TRIO: variants seen among roughly 807,000 people sequenced by gnomAD.
TRIO encodes the protein triple functional domain protein.
In TRIO, 58 loss-of-function variants were observed where a neutral mutation model predicts 351.9. The observed-to-expected ratio is 0.16, with a 90% CI of 0.13 to 0.21. The LOEUF (loss-of-function observed/expected upper bound fraction) is 0.21. Among genes scored for constraint, TRIO ranks in the 10% least tolerant of loss-of-function variants. TRIO has a pLI of 1.00. For synonymous variants in TRIO, 1,758 were observed against 1,595.7 expected (o/e 1.10, Z -2.42); for missense variants, 3,201 against 4,027.8 (o/e 0.79, Z 5.56).
intron 45 of TRIO, 153 bp downstream of exon 45, chr5:14,481,771 C>CTTTTT (rs34046917): frequency 7.4e-5 from 14 of 189,280 alleles, no homozygotes; most frequent in Non-Finnish European, 1.0e-4. Context: ...ATTTTATTTC[C>CTTTTT]TTTTTTTTTT....
At chr5:14,421,849 T>G (rs1396899437) in intron 34 of TRIO, among the ~76,000 whole-genome samples, 1 of 152,052 alleles carries the variant, frequency 6.6e-6, no homozygotes, top group African/African-American at 2.4e-5. Flanking sequence ...GGATGAGGAT[T>G]TAGACGTGGA....
Position 14,364,687 on chromosome 5 carries a change from A to G in TRIO, c.2625A>G (p.Ala875=), listed in dbSNP as rs770410434. The G allele has an allele frequency of 6.2e-7, 1 of 1,614,000 alleles. No individual in the cohort carries two copies. The highest frequency in any genetic ancestry group is 1.7e-5 in the Admixed American group (1 of 60,020). ...TGTGTGATAGAGATGTAGACATGGCAACTCGGGTCCAGGACCTGCTGGAGT... is the reference window on the plus strand; with the variant it reads ...TGTGTGATAGAGATGTAGACATGGCGACTCGGGTCCAGGACCTGCTGGAGT... The part of the protein sequence containing the change: ...ELLCDRDVDM[A]TRVQDLLEFL... Residue 875 remains alanine (A), a synonymous_variant, in exon 15 of 57, where the codon GCA becomes GCG. Transcript: ENST00000344204.
At chr5:14,343,645 A>G (rs1742147888) in intron 11 of TRIO, among the ~76,000 whole-genome samples, 2 of 152,110 alleles carry the variant, frequency 1.3e-5, no homozygotes, top group Admixed American at 1.3e-4. Context: ...ATCACAGTTT[A>G]TTTAACTATT....
intron 1 of TRIO, among the ~76,000 whole-genome samples, chr5:14,164,107 G>A (rs1788630575): frequency 6.6e-6 from 1 of 152,212 alleles, no homozygotes; most frequent in South Asian, 2.1e-4. Flanking sequence ...GGTCAGTTGT[G>A]AGCCTGACCC....
intron 33 of TRIO, among the ~76,000 whole-genome samples, chr5:14,413,233 G>A (rs923456842): frequency 6.6e-6 from 1 of 152,200 alleles, no homozygotes; most frequent in Non-Finnish European, 1.5e-5. Flanking sequence ...TTACTTCAGT[G>A]CCTGGCCTGA....
At chr5:14,413,510 A>C (rs986738371) in intron 33 of TRIO, among the ~76,000 whole-genome samples, 1 of 152,222 alleles carries the variant, frequency 6.6e-6, no homozygotes, top group Non-Finnish European at 1.5e-5. Flanking sequence ...GCGAGCTCTG[A>C]GTGATGGGTT....
chr5:14,410,227 A>C (rs767816294), intron 33 of TRIO, among the ~76,000 whole-genome samples: 1 of 152,206 alleles, frequency 6.6e-6, no homozygotes, highest in East Asian at 1.9e-4. Context: ...GGACGTACCC[A>C]TGCGGCCTTA....
chr5:14,276,476 C>T (rs1482255470), intron 2 of TRIO, among the ~76,000 whole-genome samples: 4 of 152,258 alleles, frequency 2.6e-5, no homozygotes, highest in Non-Finnish European at 5.9e-5. Context: ...GTCCTTTTAA[C>T]AGAGTTGTAT....
chr5:14,343,546 A>C (rs1742138545), intron 11 of TRIO, among the ~76,000 whole-genome samples: 1 of 152,206 alleles, frequency 6.6e-6, no homozygotes, highest in Admixed American at 6.5e-5. Context: ...TTAACTCAGC[A>C]CAATTCCTTT....
At chr5:14,368,313 G>A (rs1191966075) in intron 16 of TRIO, among the ~76,000 whole-genome samples, 1 of 152,114 alleles carries the variant, frequency 6.6e-6, no homozygotes, top group East Asian at 1.9e-4. Context: ...ATTCACTCTG[G>A]CCACCTTTTC....
At chr5:14,467,013 C>T (rs976030984) in intron 37 of TRIO, among the ~76,000 whole-genome samples, 1 of 152,164 alleles carries the variant, frequency 6.6e-6, no homozygotes, top group Non-Finnish European at 1.5e-5. Flanking sequence ...GGTTGTTATG[C>T]ACTATTGTTA....
intron 33 of TRIO, among the ~76,000 whole-genome samples, chr5:14,414,722 A>G (rs577558800): frequency 6.0e-5 from 9 of 151,152 alleles, no homozygotes; most frequent in African/African-American, 1.7e-4. Context: ...GCCTATCACA[A>G]TAGTCCTCCT....
At chr5:14,403,016 G>T (rs1748224612) in intron 31 of TRIO, among the ~76,000 whole-genome samples, 1 of 151,736 alleles carries the variant, frequency 6.6e-6, no homozygotes, top group Non-Finnish European at 1.5e-5. Flanking sequence ...TTGTGGTGAG[G>T]GTACAGGTTG....
chr5:14,424,335 C>T (rs1750456831), intron 34 of TRIO, among the ~76,000 whole-genome samples: 1 of 152,142 alleles, frequency 6.6e-6, no homozygotes. Flanking sequence ...TAGAAGAAAA[C>T]ACCCACTTAT....
At position 14,465,589 on chromosome 5, in the gene TRIO, G is replaced by A. The variant is rs374550843; in HGVS notation, c.5712G>A (p.Pro1904=). The A allele has an allele frequency of 3.9e-5, 63 of 1,613,780 alleles. No individual in the cohort carries two copies. The highest frequency in any genetic ancestry group is 6.7e-5 in the East Asian group (3 of 44,868). The change falls in exon 37 of 57, where the codon CCG becomes CCA. Residue 1904 remains proline (P), a synonymous_variant. Transcript: ENST00000344204. ...TCCGCCCCACCAGCTCCGAAACACC[G>A]AGTGCAGCCGAGCTCGTCAGTGCAA... is the stretch of plus-strand genomic sequence containing the variant. ...LLVRPTSSET[P]SAAELVSAIE...
intron 10 of TRIO, among the ~76,000 whole-genome samples, chr5:14,335,041 G>A (rs764991004): frequency 1.3e-5 from 2 of 152,080 alleles, no homozygotes; most frequent in Non-Finnish European, 2.9e-5. Context: ...GTGTGTGTGT[G>A]TACACATGCG....
intron 48 of TRIO, among the ~76,000 whole-genome samples, chr5:14,489,579 C>T (rs1756321681): frequency 6.6e-6 from 1 of 152,184 alleles, no homozygotes; most frequent in South Asian, 2.1e-4. Flanking sequence ...GCTGAATCTG[C>T]CAGTTAGCAT....
intron 21 of TRIO, among the ~76,000 whole-genome samples, chr5:14,386,908 G>A (rs1452113105): frequency 1.3e-5 from 2 of 152,196 alleles, no homozygotes; most frequent in Non-Finnish European, 2.9e-5. Flanking sequence ...CAATCAACAC[G>A]ACACAGAGGA....
intron 2 of TRIO, among the ~76,000 whole-genome samples, chr5:14,273,382 G>A (rs1482763082): frequency 6.6e-6 from 1 of 152,218 alleles, no homozygotes; most frequent in Non-Finnish European, 1.5e-5. Context: ...AAGTAATGCT[G>A]ATTGCACTTA....
Sources: allele counts gnomAD v4.1 joint callset (sites outside exome capture counted in the v4.1 genomes callset), GRCh38; gene constraint gnomAD v4.1.1; transcripts MANE v1.5; gene names NCBI Gene and HGNC (gene_info 2026-07-23, HGNC 2026-07-21).